The following OR2T6 variants were observed in gnomAD, a reference collection of about 807,000 sequenced individuals.
OR2T6 encodes the protein olfactory receptor 2T6.
For missense variants in OR2T6, 424 were observed against 391.6 expected, an observed-to-expected ratio of 1.08 and a Z score of -0.70; for synonymous variants, 174 against 148.0, an observed-to-expected ratio of 1.18 and a Z score of -1.27.
chr1:248,387,604 G>C lies in OR2T6; in HGVS notation c.-4-1G>C, dbSNP rs1661155947. ...TTCTTATGCCTCCATTTCAAACTCA[G>C]TACCATGAATGAAAACAATGAAACC... is the stretch of plus-strand genomic sequence containing the variant. On this transcript the variant is annotated splice_acceptor_variant, in intron 2 of 2. Coordinates refer to ENST00000641644, the MANE Select transcript of OR2T6 (RefSeq NM_001005471.2). LOFTEE classifies it low-confidence loss of function (5UTR_SPLICE). 1.3e-6 allele frequency: 2 copies of C among 1,558,156 alleles called. No homozygotes were observed. Among genetic ancestry groups the C allele is most frequent in the Non-Finnish European group, 1.7e-6 (2 of 1,143,898 alleles).
intron 1 of OR2T6, among the ~76,000 whole-genome samples, chr1:248,381,338 A>G (rs1661025660): frequency 6.6e-6 from 1 of 151,826 alleles, no homozygotes; most frequent in South Asian, 2.1e-4. Context: ...AAAATGTTAG[A>G]TTCTTCATAA....
chr1:248,380,225 ATCG>A (rs1263735682), intron 1 of OR2T6, among the ~76,000 whole-genome samples: 1 of 152,052 alleles, frequency 6.6e-6, no homozygotes, highest in African/African-American at 2.4e-5. Flanking sequence ...ATACTTTAAA[ATCG>A]TCTTCTTCAT....
chr1:248,384,380 A>G (rs1369783977), intron 1 of OR2T6, among the ~76,000 whole-genome samples: 1 of 90,456 alleles, frequency 1.1e-5, no homozygotes, highest in African/African-American at 1.1e-4. Context: ...TGCTCATCCT[A>G]TCCTGGTGTG....
intron 2 of OR2T6, 135 bp downstream of exon 2, chr1:248,384,999 C>T (rs955593827): frequency 4.6e-5 from 7 of 152,208 alleles, no homozygotes; most frequent in African/African-American, 1.7e-4. Context: ...TAAATGAAGT[C>T]TCCTGTTCAC....
intron 1 of OR2T6, among the ~76,000 whole-genome samples, chr1:248,379,197 A>C (rs1004503508): frequency 1.3e-5 from 2 of 152,194 alleles, no homozygotes; most frequent in Non-Finnish European, 2.9e-5. Flanking sequence ...AAAAAGAAAA[A>C]GAAATATTTT....
chr1:248,390,823 T>C lies in OR2T6; in HGVS notation c.*2288T>C, dbSNP rs2103074232. On this transcript the variant is annotated 3_prime_UTR_variant, in exon 3 of 3. Coordinates refer to ENST00000641644, the MANE Select transcript of OR2T6 (RefSeq NM_001005471.2). ...TCCACGTAAACACCATGTGAATTTC[T>C]GTCAATCATACAATGCTTCTGAGGA... 6.6e-6 allele frequency: 1 copy of C among 152,372 alleles called. No individual in the cohort carries two copies. The highest frequency in any genetic ancestry group is 2.1e-4 in the South Asian group (1 of 4,832). The allele number at this position is 152,372 out of a possible 1,614,324, so 9.4% of individuals were successfully genotyped here. A position where few individuals can be genotyped will look rare whatever the true frequency, so the allele number is the denominator to read the frequency against.
At chr1:248,378,057 C>T (rs1368615155) in intron 1 of OR2T6, among the ~76,000 whole-genome samples, 1 of 152,084 alleles carries the variant, frequency 6.6e-6, no homozygotes, top group African/African-American at 2.4e-5. Flanking sequence ...AAGATTGTTT[C>T]TAGTTTATTT....
At chr1:248,377,120 T>C (rs774144306) in intron 1 of OR2T6, among the ~76,000 whole-genome samples, 4 of 152,208 alleles carry the variant, frequency 2.6e-5, no homozygotes, top group African/African-American at 4.8e-5. Context: ...TCTGGCTATG[T>C]TGAAAGCACG....
chr1:248,387,593 T>C lies in OR2T6; in HGVS notation c.-4-12T>C, dbSNP rs7418152. 1 of 1,515,530 alleles carries C rather than the reference T, an allele frequency of 6.6e-7. No homozygotes were observed. The highest frequency in any genetic ancestry group is 1.9e-5 in the Admixed American group (1 of 53,556). The allele number at this position is 1,515,530 out of a possible 1,614,324, so 93.9% of individuals were successfully genotyped here. ...CCCTGCTTCTCTTCTTATGCCTCCA[T>C]TTCAAACTCAGTACCATGAATGAAA... On this transcript the variant is annotated splice_polypyrimidine_tract_variant and intron_variant, in intron 2 of 2. Coordinates refer to ENST00000641644, the MANE Select transcript of OR2T6 (RefSeq NM_001005471.2).
chr1:248,387,105 A>G (rs931635638), intron 2 of OR2T6, among the ~76,000 whole-genome samples: 1 of 152,254 alleles, frequency 6.6e-6, no homozygotes, highest in African/African-American at 2.4e-5. Flanking sequence ...CATGTTTATT[A>G]CAGTTCAACA....
At chr1:248,376,159 AC>A (rs1660936629) in intron 1 of OR2T6, 105 bp downstream of exon 1, 1 of 152,326 alleles carries the variant, frequency 6.6e-6, no homozygotes, top group Admixed American at 6.5e-5. Context: ...AGGGAAGTTC[AC>A]TCATTTAAGA....
chr1:248,388,074 A>G lies in OR2T6; in HGVS notation c.466A>G (p.Ser156Gly). The G allele has an allele frequency of 1.9e-6, 3 of 1,613,994 alleles. No homozygotes were observed. Among genetic ancestry groups the G allele is most frequent in the Non-Finnish European group, 2.5e-6 (3 of 1,179,976 alleles). ...CTCTTGGTTCGGTGGGGCTTTGGAC[A>G]GTTTTCTCCTCACCCCCATTACCAT... ...ASSWFGGALD[S>G]FLLTPITMSL... Residue 156 changes from serine (S) to glycine (G), a missense_variant, in exon 3 of 3, where the codon AGT becomes GGT. Transcript: ENST00000641644.
chr1:248,383,613 G>C (rs1339895072), intron 1 of OR2T6, among the ~76,000 whole-genome samples: 14 of 129,114 alleles, frequency 1.1e-4, no homozygotes, highest in African/African-American at 4.2e-4. Context: ...CACTGCACTA[G>C]CCTGAGTGTG....
rs545215845 is a variant in OR2T6 at position 248,390,025 on chromosome 1, C to T, written c.*1490C>T. On this transcript the variant is annotated 3_prime_UTR_variant, in exon 3 of 3. Coordinates refer to ENST00000641644, the MANE Select transcript of OR2T6 (RefSeq NM_001005471.2). Reference sequence around the variant, plus strand: ...ATGGCTATTTCGAGCTGCTGAAGGCCTGCTCTTTTACGGTTACAGAGTCCT... The same window carrying T: ...ATGGCTATTTCGAGCTGCTGAAGGCTTGCTCTTTTACGGTTACAGAGTCCT... 12 of 152,288 alleles carry T rather than the reference C, an allele frequency of 7.9e-5. No homozygotes were observed. The highest frequency in any genetic ancestry group is 2.6e-4 in the African/African-American group (11 of 41,554). The allele number at this position is 152,288 out of a possible 1,614,324, so 9.4% of individuals were successfully genotyped here.
chr1:248,377,143 C>A (rs1346762851), intron 1 of OR2T6, among the ~76,000 whole-genome samples: 2 of 152,178 alleles, frequency 1.3e-5, no homozygotes, highest in African/African-American at 2.4e-5. Context: ...CATAACACTT[C>A]CTGTGAGGTT....
chr1:248,383,529 A>G (rs74591671), intron 1 of OR2T6, among the ~76,000 whole-genome samples: 32 of 66,562 alleles, frequency 4.8e-4, no homozygotes, highest in Middle Eastern at 0.013. Flanking sequence ...ATCATCATGG[A>G]GAAAGCACTG....
chr1:248,377,065 A>G (rs1197228414), intron 1 of OR2T6, among the ~76,000 whole-genome samples: 1 of 152,188 alleles, frequency 6.6e-6, no homozygotes. Flanking sequence ...AAAGACAGGA[A>G]CATTCTTGCT....
In OR2T6 at chr1:248,387,898, G is replaced by T; in HGVS notation, c.290G>T (p.Cys97Phe). The T allele has an allele frequency of 6.2e-7, 1 of 1,600,894 alleles. No homozygotes were observed. The highest frequency in any genetic ancestry group is 2.2e-5 in the East Asian group (1 of 44,668). ...GAGGGGACCATCTCTTTCATCGCCT[G>T]CACTGCTCAGTGCTTTCTCTACATG... is the stretch of plus-strand genomic sequence containing the variant. ...MGEGTISFIA[C>F]TAQCFLYMGF... The change falls in exon 3 of 3, where the codon TGC (cysteine) becomes TTC (phenylalanine). Residue 97 changes from cysteine to phenylalanine, a missense_variant. Coordinates refer to ENST00000641644, the MANE Select transcript of OR2T6 (RefSeq NM_001005471.2).
chr1:248,379,715 AT>A (rs1252678541), intron 1 of OR2T6, among the ~76,000 whole-genome samples: 2 of 128,456 alleles, frequency 1.6e-5, no homozygotes, highest in East Asian at 3.8e-4. Flanking sequence ...AATTAATTCC[AT>A]TTTTTTGTGT....
Sources: gnomAD v4.1 joint callset for allele counts (sites outside exome capture counted in the v4.1 genomes callset) on GRCh38, gnomAD v4.1.1 for gene constraint, MANE v1.5 for transcripts, NCBI Gene and HGNC (gene_info 2026-07-23, HGNC 2026-07-21) for gene names.